Variants in RNF144A observed in about 807,000 individuals in gnomAD.
The protein encoded by RNF144A is E3 ubiquitin-protein ligase RNF144A.
Under a neutral mutation model 38.7 loss-of-function variants are expected in RNF144A, and 11 were observed. The ratio of observed to expected loss-of-function variants is 0.28; its 90% CI spans 0.18 to 0.47. The LOEUF (loss-of-function observed/expected upper bound fraction) is 0.47, where lower values mean the gene tolerates loss of function less well. Among genes scored for constraint, RNF144A ranks in the 20% least tolerant of loss-of-function variants. The pLI is 0.99. For missense variants in RNF144A, 316 were observed against 377.2 expected (o/e 0.84, Z 1.34); for synonymous variants, 149 against 143.9 (o/e 1.04, Z -0.25).
chr2:6,964,798 C>T (rs1481935060), intron 2 of RNF144A, among the ~76,000 whole-genome samples: 3 of 150,532 alleles, frequency 2.0e-5, no homozygotes, highest in Non-Finnish European at 3.0e-5. Context: ...GGAAGGGGAA[C>T]ATCACACTCT....
chr2:6,987,178 T>C (rs1669016540), intron 2 of RNF144A, among the ~76,000 whole-genome samples: 1 of 151,988 alleles, frequency 6.6e-6, no homozygotes, highest in South Asian at 2.1e-4. Context: ...ACTGTTTTGG[T>C]CTTAGAAATA....
At chr2:7,070,045 A>AT (rs1469232251), downstream of RNF144A, among the ~76,000 whole-genome samples, 14 of 152,208 alleles carry the variant, frequency 9.2e-5, no homozygotes, top group African/African-American at 3.4e-4. Context: ...TCTTCCAACT[A>AT]TCAGGGATGT....
intron 6 of RNF144A, among the ~76,000 whole-genome samples, chr2:7,058,643 T>C (rs1347260959): frequency 6.6e-6 from 1 of 152,190 alleles, no homozygotes; most frequent in Non-Finnish European, 1.5e-5. Context: ...GAGTTAACAA[T>C]TTTTTATATC....
rs1673031818 is a variant in RNF144A at position 7,041,362 on chromosome 2, C to T, written c.*1602C>T. On this transcript the variant is annotated 3_prime_UTR_variant, in exon 9 of 9. Coordinates refer to ENST00000320892, the MANE Select transcript of RNF144A (RefSeq NM_014746.6). ...ACATTGAATTCGTTAGAAAAAACAG[C>T]GTCACCTCACTCTTCACCTGTCATG... The T allele has an allele frequency of 1.6e-5, 16 of 985,814 alleles. No individual in the cohort carries two copies. The highest frequency in any genetic ancestry group is 1.8e-5 in the Non-Finnish European group (15 of 829,912). The allele number at this position is 985,814 out of a possible 1,614,324, so 61.1% of individuals were successfully genotyped here.
intron 1 of RNF144A, among the ~76,000 whole-genome samples, chr2:6,922,757 T>A (rs945882946): frequency 2.6e-5 from 4 of 151,986 alleles, no homozygotes; most frequent in African/African-American, 9.7e-5. Context: ...CCCGAGTAGC[T>A]GGGACTACAG....
intron 1 of RNF144A, among the ~76,000 whole-genome samples, chr2:6,936,299 A>G (rs1314419517): frequency 6.6e-6 from 1 of 152,226 alleles, no homozygotes; most frequent in African/African-American, 2.4e-5. Context: ...GATGGCATAT[A>G]TATACACACA....
chr2:6,922,443 C>T (rs1664596278), intron 1 of RNF144A, among the ~76,000 whole-genome samples: 1 of 152,102 alleles, frequency 6.6e-6, no homozygotes, highest in African/African-American at 2.4e-5. Context: ...ACATTGTGTT[C>T]CTGGGAATAC....
At chr2:6,980,891 C>A (rs796632366) in intron 2 of RNF144A, among the ~76,000 whole-genome samples, 1 of 152,244 alleles carries the variant, frequency 6.6e-6, no homozygotes. Flanking sequence ...CCTCTGAAAT[C>A]GAGGTGGAGG....
rs1491020109 is a variant in RNF144A, at chr2:7,042,402, T to TA, written c.*2643dup. 2 of 985,302 alleles carry TA rather than the reference T, an allele frequency of 2.0e-6. No homozygotes were observed. The highest frequency in any genetic ancestry group is 3.5e-5 in the African/African-American group (2 of 57,240). 61.0% of individuals were successfully genotyped at this position (985,302 alleles called of 1,614,324 possible). A position where few individuals can be genotyped will look rare whatever the true frequency, so the allele number is the denominator to read the frequency against. On this transcript the variant is annotated 3_prime_UTR_variant, in exon 9 of 9. Coordinates refer to ENST00000320892, the MANE Select transcript of RNF144A (RefSeq NM_014746.6). ...TCCATTGAAAAATGGCATTCACTCT[T>TA]ACAGATGGTGTTCACTGCAAGCCCC...
rs1334598012 is a variant in RNF144A, at chr2:6,962,834, C to T, written c.-12+21687C>T. ...AGAAGGTCCTCAGTTAATGACTGGC[C>T]CAGCCTTGCTGGTCTCCATGGTTTA... On this transcript the variant is annotated intron_variant, in intron 2 of 8. Transcript: ENST00000320892. The surrounding 1 kb of genome is among the most constrained non-coding windows in gnomAD (Gnocchi z 4.1). Among the ~76,000 whole-genome samples, 1 of 152,250 alleles carries T rather than the reference C, an allele frequency of 6.6e-6. No individual in the cohort carries two copies. Among genetic ancestry groups the T allele is most frequent in the South Asian group, 2.1e-4 (1 of 4,818 alleles).
chr2:7,026,755 A>G (rs1671929947), intron 7 of RNF144A, among the ~76,000 whole-genome samples: 1 of 152,154 alleles, frequency 6.6e-6, no homozygotes, highest in Non-Finnish European at 1.5e-5. Context: ...TTCTCCTTCC[A>G]GCACAGAAGT....
At chr2:6,974,131 T>C (rs1668161722) in intron 2 of RNF144A, among the ~76,000 whole-genome samples, 1 of 152,142 alleles carries the variant, frequency 6.6e-6, no homozygotes, top group Non-Finnish European at 1.5e-5. Context: ...GCCTGTAAAG[T>C]GGGAGGGTGG....
At position 7,041,201 on chromosome 2, in the gene RNF144A, C is replaced by A; in HGVS notation, c.*1441C>A. Reference sequence around the variant, plus strand: ...TTCTATAAAGAAGTAAAACAAAATCCTTTTATCTCAGTTATTTGCCCATCA... The same window carrying A: ...TTCTATAAAGAAGTAAAACAAAATCATTTTATCTCAGTTATTTGCCCATCA... On this transcript the variant is annotated 3_prime_UTR_variant, in exon 9 of 9. Transcript: ENST00000320892. 1.0e-6 allele frequency: 1 copy of A among 984,624 alleles called. No individual in the cohort carries two copies. Among genetic ancestry groups the A allele is most frequent in the South Asian group, 4.7e-5 (1 of 21,264 alleles). 61.0% of individuals were successfully genotyped at this position (984,624 alleles called of 1,614,324 possible).
chr2:7,041,843 A>AGGCTGCAT lies in RNF144A; in HGVS notation c.*2084_*2091dup. 1.0e-6 allele frequency: 1 copy of AGGCTGCAT among 985,476 alleles called. No homozygotes were observed. Among genetic ancestry groups the AGGCTGCAT allele is most frequent in the Non-Finnish European group, 1.2e-6 (1 of 829,966 alleles). 61.0% of individuals were successfully genotyped at this position (985,476 alleles called of 1,614,324 possible). On this transcript the variant is annotated 3_prime_UTR_variant, in exon 9 of 9. Coordinates refer to ENST00000320892, the MANE Select transcript of RNF144A (RefSeq NM_014746.6). ...AGGATGAGAGTCAGAGCCTTTGGAAAGGCTGCATCCCCAGGGCTAGAGCTC... is the reference window on the plus strand; with the variant it reads ...AGGATGAGAGTCAGAGCCTTTGGAAAGGCTGCATGGCTGCATCCCCAGGGCTAGAGCTC...
chr2:7,039,389 G>A (rs1303264926), intron 8 of RNF144A, among the ~76,000 whole-genome samples: 2 of 151,750 alleles, frequency 1.3e-5, no homozygotes, highest in Admixed American at 6.6e-5. Flanking sequence ...ATGGTTAGAT[G>A]GGTAGATGGA....
At chr2:6,939,642 C>T (rs1665835150) in intron 1 of RNF144A, among the ~76,000 whole-genome samples, 1 of 152,036 alleles carries the variant, frequency 6.6e-6, no homozygotes, top group South Asian at 2.1e-4. Context: ...GAAACCATTT[C>T]TTCATCTGTG....
chr2:6,975,405 G>A (rs932003941), intron 2 of RNF144A, among the ~76,000 whole-genome samples: 34 of 152,186 alleles, frequency 2.2e-4, no homozygotes, highest in African/African-American at 7.7e-4. Context: ...AACCCTTTCA[G>A]CCTGTGATTC....
intron 2 of RNF144A, among the ~76,000 whole-genome samples, chr2:6,995,309 C>T (rs1410340270): frequency 5.3e-5 from 8 of 152,064 alleles, no homozygotes; most frequent in Admixed American, 4.6e-4. Flanking sequence ...GCGGCATCGT[C>T]AGATTCCCTG....
intron 2 of RNF144A, among the ~76,000 whole-genome samples, chr2:6,974,460 A>G (rs544768807): frequency 6.6e-6 from 1 of 152,134 alleles, no homozygotes; most frequent in African/African-American, 2.4e-5. Flanking sequence ...TCACTAAGCT[A>G]TTGTAAGATT....
Sources: allele counts gnomAD v4.1 joint callset (sites outside exome capture counted in the v4.1 genomes callset), GRCh38; gene constraint gnomAD v4.1.1; non-coding constraint Gnocchi (gnomAD v3.1); transcripts MANE v1.5; gene names NCBI Gene and HGNC (gene_info 2026-07-23, HGNC 2026-07-21).